GNA14: variants seen among roughly 807,000 people sequenced by gnomAD.
GNA14 encodes the protein G protein subunit alpha 14.
Under a neutral mutation model 42.0 loss-of-function variants are expected in GNA14, and 50 were observed. The ratio of observed to expected loss-of-function variants is 1.19; its 90% CI spans 0.95 to 1.51. The LOEUF (loss-of-function observed/expected upper bound fraction) is 1.51, where lower values mean the gene tolerates loss of function less well. Ranked by LOEUF, GNA14 falls within the 40% of genes most tolerant of loss-of-function variation. GNA14 has a pLI of 0.00. For synonymous variants in GNA14, 173 were observed against 163.1 expected (o/e 1.06, Z -0.46); for missense variants, 473 against 446.2 (o/e 1.06, Z -0.54).
intron 6 of GNA14, 86 bp from the exon 7 acceptor site, chr9:77,424,255 C>T (rs967274019): frequency 1.2e-5 from 11 of 907,734 alleles, no homozygotes; most frequent in Non-Finnish European, 1.7e-5. Flanking sequence ...CAGAGTCTCG[C>T]TCTGTAGCCC....
intron 1 of GNA14, among the ~76,000 whole-genome samples, chr9:77,642,571 G>A (rs539535065): frequency 6.6e-6 from 1 of 152,052 alleles, no homozygotes; most frequent in Non-Finnish European, 1.5e-5. Context: ...TTTGAGACCA[G>A]CCTGGCCAAC....
At chr9:77,643,157 G>A (rs904823620) in intron 1 of GNA14, among the ~76,000 whole-genome samples, 1 of 152,096 alleles carries the variant, frequency 6.6e-6, no homozygotes, top group African/African-American at 2.4e-5. Flanking sequence ...AAAGGCTGTT[G>A]CATTGAACTA....
At chr9:77,555,616 T>C (rs1433917268) in intron 1 of GNA14, among the ~76,000 whole-genome samples, 1 of 152,164 alleles carries the variant, frequency 6.6e-6, no homozygotes, top group African/African-American at 2.4e-5. Flanking sequence ...AAGCAGATGA[T>C]TGTTGTGTTC....
At chr9:77,490,378 C>T (rs1393721413) in intron 2 of GNA14, among the ~76,000 whole-genome samples, 4 of 152,260 alleles carry the variant, frequency 2.6e-5, no homozygotes, top group Admixed American at 1.3e-4. Flanking sequence ...CCGTGCCATG[C>T]GCTCGCACTC....
At chr9:77,568,811 T>C (rs1823013474) in intron 1 of GNA14, among the ~76,000 whole-genome samples, 1 of 152,152 alleles carries the variant, frequency 6.6e-6, no homozygotes, top group African/African-American at 2.4e-5. Context: ...GCAGAGGAGA[T>C]GGGGCTGCCT....
At position 77,515,971 on chromosome 9, in the gene GNA14, A is replaced by AAAAAAAAAAAAAAAAAAAAAAAC. The variant is rs1554693936; in HGVS notation, c.309+13097_309+13098insGTTTTTTTTTTTTTTTTTTTTTT. Among the ~76,000 whole-genome samples the AAAAAAAAAAAAAAAAAAAAAAAC allele has an allele frequency of 6.8e-5, 10 of 147,204 alleles. 1 individual carries two copies. The highest frequency in any genetic ancestry group is 1.1e-4 in the Non-Finnish European group (7 of 66,386). ...AAGACCCTGTCTCACAAAAAAAAAA[A>AAAAAAAAAAAAAAAAAAAAAAAC]AAAAAAAAAAAACCCAGAGCAGGAA... On this transcript the variant is annotated intron_variant, in intron 2 of 6. Transcript: ENST00000341700.
At chr9:77,557,701 T>C (rs1822811188) in intron 1 of GNA14, among the ~76,000 whole-genome samples, 1 of 152,196 alleles carries the variant, frequency 6.6e-6, no homozygotes, top group African/African-American at 2.4e-5. Flanking sequence ...GGTTAATAGA[T>C]GATTACTTCA....
chr9:77,499,530 CA>C (rs1449298333), intron 2 of GNA14, among the ~76,000 whole-genome samples: 6 of 151,916 alleles, frequency 3.9e-5, no homozygotes, highest in Non-Finnish European at 8.8e-5. Context: ...GGTATACATA[CA>C]AAAAGGCCAC....
intron 2 of GNA14, among the ~76,000 whole-genome samples, chr9:77,470,968 C>A (rs1836320060): frequency 6.6e-6 from 1 of 151,668 alleles, no homozygotes; most frequent in South Asian, 2.1e-4. Context: ...CCCACCAGGT[C>A]CCTCCCCAAC....
chr9:77,558,783 A>G (rs1353457321), intron 1 of GNA14, among the ~76,000 whole-genome samples: 1 of 152,128 alleles, frequency 6.6e-6, no homozygotes, highest in East Asian at 1.9e-4. Context: ...AAAAAGTATG[A>G]CAGATAATAA....
At chr9:77,532,420 A>G (rs934488630) in intron 1 of GNA14, among the ~76,000 whole-genome samples, 1 of 152,222 alleles carries the variant, frequency 6.6e-6, no homozygotes, top group African/African-American at 2.4e-5. Context: ...TGGTCCCAGC[A>G]GCAGGTGAAT....
At chr9:77,626,912 C>T (rs564812704) in intron 1 of GNA14, among the ~76,000 whole-genome samples, 15 of 152,078 alleles carry the variant, frequency 9.9e-5, no homozygotes, top group South Asian at 2.1e-4. Context: ...GATAGAGACA[C>T]GAACAACCCT....
intron 2 of GNA14, among the ~76,000 whole-genome samples, chr9:77,480,059 T>A (rs1489196556): frequency 6.6e-6 from 1 of 152,184 alleles, no homozygotes; most frequent in Non-Finnish European, 1.5e-5. Context: ...TCCTGCCTGA[T>A]TGCCCTGGCC....
At chr9:77,443,917 G>C (rs928715322) in intron 2 of GNA14, among the ~76,000 whole-genome samples, 18 of 152,210 alleles carry the variant, frequency 1.2e-4, no homozygotes, top group African/African-American at 3.9e-4. Flanking sequence ...AGGTGTTGGA[G>C]GCTAGAGTAA....
chr9:77,455,348 C>T (rs921510148), intron 2 of GNA14, among the ~76,000 whole-genome samples: 2 of 152,216 alleles, frequency 1.3e-5, no homozygotes, highest in Non-Finnish European at 2.9e-5. Context: ...GGTCAGAACA[C>T]CCAGGATTAT....
At chr9:77,491,885 C>G (rs1034964381) in intron 2 of GNA14, among the ~76,000 whole-genome samples, 1 of 152,176 alleles carries the variant, frequency 6.6e-6, no homozygotes, top group Non-Finnish European at 1.5e-5. Flanking sequence ...GCAAATGGAA[C>G]ATTTTCCAGA....
chr9:77,473,372 G>A (rs757365231), intron 2 of GNA14, among the ~76,000 whole-genome samples: 2 of 152,104 alleles, frequency 1.3e-5, no homozygotes, highest in Admixed American at 6.6e-5. Flanking sequence ...TGGGAGGATG[G>A]TTTAATCCAG....
At chr9:77,625,068 T>C (rs1823991856) in intron 1 of GNA14, among the ~76,000 whole-genome samples, 1 of 151,094 alleles carries the variant, frequency 6.6e-6, no homozygotes, top group Non-Finnish European at 1.5e-5. Context: ...ATAAATGACC[T>C]GATGGAGCTG....
At chr9:77,558,473 GAGT>G (rs924688792) in intron 1 of GNA14, among the ~76,000 whole-genome samples, 3 of 152,078 alleles carry the variant, frequency 2.0e-5, no homozygotes, top group African/African-American at 7.2e-5. Context: ...TTCAAAGTTT[GAGT>G]AGTAGTCTTA....
Sources: gnomAD v4.1 joint callset for allele counts (sites outside exome capture counted in the v4.1 genomes callset) on GRCh38, gnomAD v4.1.1 for gene constraint, MANE v1.5 for transcripts, NCBI Gene and HGNC (gene_info 2026-07-23, HGNC 2026-07-21) for gene names.